The following PTPN12 variants were observed in gnomAD, a reference collection of about 807,000 sequenced individuals.
PTPN12 encodes the protein tyrosine-protein phosphatase non-receptor type 12.
A neutral mutation model predicts 97.6 loss-of-function variants in PTPN12; 29 were observed. That is an observed-to-expected ratio of 0.30 (90% CI 0.22 to 0.41). The LOEUF (loss-of-function observed/expected upper bound fraction) is 0.41, where lower values mean the gene tolerates loss of function less well. Among genes scored for constraint, PTPN12 ranks in the 10% least tolerant of loss-of-function variants. The pLI, the probability that PTPN12 is intolerant of heterozygous loss-of-function variation, is 1.00. For missense variants in PTPN12, 819 were observed against 926.0 expected, an observed-to-expected ratio of 0.88 and a Z score of 1.50; for synonymous variants, 327 against 300.4, an observed-to-expected ratio of 1.09 and a Z score of -0.91.
Position 77,627,567 on chromosome 7 carries a change from A to G in PTPN12, c.1888A>G (p.Thr630Ala). Residue 630 changes from threonine (T) to alanine (A), a missense_variant, in exon 13 of 18, where the codon ACA becomes GCA. By Grantham distance (58) the Thr-to-Ala change is moderately conservative (BLOSUM62 0). Coordinates refer to ENST00000248594, the MANE Select transcript of PTPN12 (RefSeq NM_002835.4). ...NKTNISTASATVSAATSTESI... is the reference protein window; with the variant it reads ...NKTNISTASAAVSAATSTESI... Reference sequence around the variant, plus strand: ...AACTAATATTTCAACAGCAAGTGCCACAGTTTCTGCTGCCACTAGTACTGA... The same window carrying G: ...AACTAATATTTCAACAGCAAGTGCCGCAGTTTCTGCTGCCACTAGTACTGA... 1 of 1,614,056 alleles carries G rather than the reference A, an allele frequency of 6.2e-7. No homozygotes were observed. Among genetic ancestry groups the G allele is most frequent in the Non-Finnish European group, 8.5e-7 (1 of 1,179,998 alleles).
chr7:77,571,771 T>A (rs557300526), intron 2 of PTPN12, among the ~76,000 whole-genome samples: 1 of 152,248 alleles, frequency 6.6e-6, no homozygotes, highest in Non-Finnish European at 1.5e-5. Context: ...TTCCCCAGGC[T>A]GGTCTCAAAC....
Position 77,537,430 on chromosome 7 carries a change from C to A in PTPN12, c.-117C>A. ...AGGAGGAGGGAGCCGCGGGGCTTGG[C>A]GGGGTCGGGAGGGAGGGACGTGCTG... On this transcript the variant is annotated 5_prime_UTR_variant, in exon 1 of 18. Coordinates refer to ENST00000248594, the MANE Select transcript of PTPN12 (RefSeq NM_002835.4). 1 of 1,099,516 alleles carries A rather than the reference C, an allele frequency of 9.1e-7. No individual in the cohort carries two copies. The highest frequency in any genetic ancestry group is 1.1e-6 in the Non-Finnish European group (1 of 899,356). The allele number at this position is 1,099,516 out of a possible 1,614,324, so 68.1% of individuals were successfully genotyped here. A position where few individuals can be genotyped will look rare whatever the true frequency, so the allele number is the denominator to read the frequency against.
chr7:77,549,582 GTT>G (rs561689618), intron 1 of PTPN12, among the ~76,000 whole-genome samples: 9 of 138,570 alleles, frequency 6.5e-5, no homozygotes, highest in African/African-American at 7.8e-5. Flanking sequence ...TTGTTTGTTT[GTT>G]TTTTTTTTTT....
In PTPN12 at chr7:77,543,996, T is replaced by G. The variant is rs535800799; in HGVS notation, c.99+6351T>G. ...GAACATTTGTGTACAAGTTTCTGTG[T>G]GGACACATTTTCAGGTCTCTTGGGT... On this transcript the variant is annotated intron_variant, in intron 1 of 17. Transcript: ENST00000248594. Among the ~76,000 whole-genome samples the G allele has an allele frequency of 2.0e-5, 3 of 152,360 alleles. No individual in the cohort carries two copies. The East Asian group carries it at 5.8e-4, about 29-fold the overall frequency.
intron 9 of PTPN12, among the ~76,000 whole-genome samples, chr7:77,607,598 A>G (rs971607553): frequency 6.6e-6 from 1 of 152,194 alleles, no homozygotes; most frequent in Non-Finnish European, 1.5e-5. Flanking sequence ...AATGATTATA[A>G]AAAATAAAGG....
chr7:77,621,794 C>T (rs543688784), intron 12 of PTPN12, among the ~76,000 whole-genome samples: 1 of 152,258 alleles, frequency 6.6e-6, no homozygotes, highest in Non-Finnish European at 1.5e-5. Flanking sequence ...TTGTTTATAC[C>T]AGCATCACAA....
intron 12 of PTPN12, 121 bp downstream of exon 12, chr7:77,618,686 G>A (rs1186222071): frequency 7.2e-6 from 5 of 699,130 alleles, no homozygotes; most frequent in Non-Finnish European, 1.1e-5. Flanking sequence ...TATTTTGTTA[G>A]GATGTAACAT....
rs571930079 is a variant in PTPN12, at chr7:77,551,719, ATGTTT to A, written c.99+14079_99+14083del. ...CCATCCAAGCTTTGCCATAAATTTG[ATGTTT>A]TGTTCTTGCTTCAGTTTTTTAGCAG... On this transcript the variant is annotated intron_variant, in intron 1 of 17. Transcript: ENST00000248594. Among the ~76,000 whole-genome samples, 143 of 152,258 alleles carry A rather than the reference ATGTTT, an allele frequency of 9.4e-4. 2 individuals carry two copies. The South Asian group carries it at 0.028, about 30-fold the overall frequency.
intron 1 of PTPN12, among the ~76,000 whole-genome samples, chr7:77,564,756 T>TTTTTTTTG (rs1808177822): frequency 1.1e-5 from 1 of 91,074 alleles, no homozygotes; most frequent in Non-Finnish European, 2.1e-5. Context: ...GTTTTTTTTT[T>TTTTTTTTG]TTTTTTTTTT....
chr7:77,549,110 A>G (rs1444321649), intron 1 of PTPN12, among the ~76,000 whole-genome samples: 1 of 152,218 alleles, frequency 6.6e-6, no homozygotes, highest in Non-Finnish European at 1.5e-5. Context: ...GAAGAAAATA[A>G]CCAACTTGCC....
chr7:77,567,611 C>T (rs1808316073), intron 1 of PTPN12, among the ~76,000 whole-genome samples: 1 of 152,110 alleles, frequency 6.6e-6, no homozygotes, highest in Non-Finnish European at 1.5e-5. Context: ...GAATCAGAAA[C>T]TACTGGGATG....
intron 6 of PTPN12, among the ~76,000 whole-genome samples, chr7:77,592,610 A>G (rs1012733599): frequency 1.3e-5 from 2 of 152,206 alleles, no homozygotes; most frequent in Non-Finnish European, 1.5e-5. Context: ...ACTGGAGTAC[A>G]GTGTATCATA....
Position 77,583,568 on chromosome 7 carries a change from CAAAAGCATATGTAGCAA to C in PTPN12, c.300_316del (p.Lys101SerfsTer19). The C allele has an allele frequency of 6.2e-7, 1 of 1,605,694 alleles. No homozygotes were observed. Among genetic ancestry groups the C allele is most frequent in the African/African-American group, 1.3e-5 (1 of 74,660 alleles). On this transcript the variant is annotated frameshift_variant, in exon 4 of 18. Coordinates refer to ENST00000248594, the MANE Select transcript of PTPN12 (RefSeq NM_002835.4). LOFTEE classifies it high-confidence loss of function. ...AACCATTTTTAGGGCGTCTATGGGC[CAAAAGCATATGTAGCAA>C]CTCAAGGACCTTTAGCAAATACAGT... is the stretch of plus-strand genomic sequence containing the variant.
intron 13 of PTPN12, among the ~76,000 whole-genome samples, chr7:77,628,386 G>C (rs2151397779): frequency 6.6e-6 from 1 of 152,252 alleles, no homozygotes; most frequent in Middle Eastern, 3.4e-3. Context: ...TGAAAGTAAT[G>C]ATGGCTACCA....
chr7:77,568,997 A>G lies in PTPN12; in HGVS notation c.100-2081A>G, dbSNP rs977636682. 3.3e-5 allele frequency among the ~76,000 whole-genome samples: 5 copies of G among 152,222 alleles called. No individual in the cohort carries two copies. In the East Asian group the frequency reaches 9.6e-4, roughly 29 times the overall value. On this transcript the variant is annotated intron_variant, in intron 1 of 17. Transcript: ENST00000248594. ...ATGAGGATCTTTGTTAATATGGAGT[A>G]ACGACATCATAAACAATCTTTTCTA...
intron 2 of PTPN12, among the ~76,000 whole-genome samples, chr7:77,581,144 C>T (rs992789374): frequency 6.6e-6 from 1 of 152,118 alleles, no homozygotes; most frequent in African/African-American, 2.4e-5. Flanking sequence ...GCAATCTTGG[C>T]TCACTGCAAC....
chr7:77,627,649 G>C lies in PTPN12; in HGVS notation c.1970G>C (p.Gly657Ala), dbSNP rs565942809. The C allele has an allele frequency of 1.3e-6, 2 of 1,587,902 alleles. No homozygotes were observed. Among genetic ancestry groups the C allele is most frequent in the East Asian group, 4.5e-5 (2 of 44,594 alleles). Residue 657 changes from glycine (G) to alanine (A), a missense_variant, in exon 13 of 18, where the codon GGA becomes GCA. By Grantham distance (60) the Gly-to-Ala change is moderately conservative. Around this residue, in one of 5 missense-constraint regions of PTPN12, gnomAD observed 607 missense variants for 577.3 expected, o/e 1.05. Coordinates refer to ENST00000248594, the MANE Select transcript of PTPN12 (RefSeq NM_002835.4). The part of the protein sequence containing the change: ...PMSIARHNIA[G>A]TTHSGAEKDV... ...TCCATTGCTAGACATAATATAGCAG[G>C]AACAACACATTCAGGTGCTGAAAAA...
chr7:77,625,470 T>TCGCTCG lies in PTPN12; in HGVS notation c.1026-1230_1026-1229insGCGCTC, dbSNP rs1491229940. On this transcript the variant is annotated intron_variant, in intron 12 of 17. Coordinates refer to ENST00000248594, the MANE Select transcript of PTPN12 (RefSeq NM_002835.4). ...GGTTTTGCCATATTGCCCAGGCTGC[T>TCGCTCG]CGCTCTCTCTCTCTCTCTCTCTCTC... Among the ~76,000 whole-genome samples the TCGCTCG allele has an allele frequency of 5.8e-3, 260 of 44,962 alleles. 29 individuals carry two copies. The highest frequency in any genetic ancestry group is 0.036 in the East Asian group (31 of 868). 29.5% of individuals were successfully genotyped at this position (44,962 alleles called of 152,430 possible). A position where few individuals can be genotyped will look rare whatever the true frequency, so the allele number is the denominator to read the frequency against.
At chr7:77,630,766 T>C (rs575562808) in intron 13 of PTPN12, among the ~76,000 whole-genome samples, 1 of 152,342 alleles carries the variant, frequency 6.6e-6, no homozygotes, top group African/African-American at 2.4e-5. Context: ...TTAGGCCTCC[T>C]GAAAGATTTC....
Sources: allele counts gnomAD v4.1 joint callset (sites outside exome capture counted in the v4.1 genomes callset), GRCh38; gene constraint gnomAD v4.1.1; regional missense constraint gnomAD v4.1.1; transcripts MANE v1.5; gene names NCBI Gene and HGNC (gene_info 2026-07-23, HGNC 2026-07-21).